MRGPRE: variants seen among roughly 807,000 people sequenced by gnomAD.
MRGPRE encodes the protein mas-related G protein-coupled receptor member E.
For synonymous variants in MRGPRE, 229 were observed against 206.7 expected (o/e 1.11, Z -0.92); for missense variants, 466 against 433.4 (o/e 1.08, Z -0.67).
chr11:3,228,326 GAGCAGCAGGTGC>G lies in MRGPRE; in HGVS notation c.462_473del (p.His155_Leu158del). ...CGAAGAACTGGGTGCAGGCGCCGCT[GAGCAGCAGGTGC>G]AGCAGCAGGCAGAGGGCCCAGGTGA... On this transcript the variant is annotated inframe_deletion, in exon 2 of 2. Transcript: ENST00000389832. 1 of 1,561,970 alleles carries G rather than the reference GAGCAGCAGGTGC, an allele frequency of 6.4e-7. No homozygotes were observed. The highest frequency in any genetic ancestry group is 8.6e-7 in the Non-Finnish European group (1 of 1,157,168).
In MRGPRE at chr11:3,230,262, G is replaced by C. The variant is rs1448393351; in HGVS notation, c.-61-1402C>G. ...TGGCTGGGGTCAGGGGCCGACACCAGGTGCCCCTCCCACCTTGGTGGTGGC... is the reference window on the plus strand; with the variant it reads ...TGGCTGGGGTCAGGGGCCGACACCACGTGCCCCTCCCACCTTGGTGGTGGC... On this transcript the variant is annotated intron_variant, in intron 1 of 1. Transcript: ENST00000389832. This position sits in a 1 kb window ranked among gnomAD's most constrained non-coding sequence, Gnocchi z 5.5. 3.3e-5 allele frequency among the ~76,000 whole-genome samples: 5 copies of C among 152,006 alleles called. No homozygotes were observed. The highest frequency in any genetic ancestry group is 7.4e-5 in the Non-Finnish European group (5 of 67,956).
chr11:3,226,782 G>T lies in MRGPRE; in HGVS notation c.*1079C>A, dbSNP rs1014706835. Among the ~76,000 whole-genome samples, 7 of 152,214 alleles carry T rather than the reference G, an allele frequency of 4.6e-5. No individual in the cohort carries two copies. The highest frequency in any genetic ancestry group is 7.3e-5 in the Non-Finnish European group (5 of 68,038). On this transcript the variant is annotated 3_prime_UTR_variant, in exon 2 of 2. Coordinates refer to ENST00000389832, the MANE Select transcript of MRGPRE (RefSeq NM_001039165.4). ...TAGAATCGACAGACATTTCTCTTGG[G>T]CTCACGAGAGGCTGGACAGGCCTCA...
At chr11:3,228,996 C>T (rs1847799262) in intron 1 of MRGPRE, 136 bp from the exon 2 acceptor site, 2 of 553,582 alleles carry the variant, frequency 3.6e-6, no homozygotes, top group Non-Finnish European at 6.4e-6. Context: ...TCTCTCATTT[C>T]CACCCTCAGC....
chr11:3,225,316 T>C lies in MRGPRE; in HGVS notation c.*2545A>G, dbSNP rs111973322. Reference sequence around the variant, plus strand: ...TGCCCCCAGGAGTAGCCGCCTGTTCTTGGGAATTCTGTGCTGACCGCGGCA... The same window carrying C: ...TGCCCCCAGGAGTAGCCGCCTGTTCCTGGGAATTCTGTGCTGACCGCGGCA... On this transcript the variant is annotated 3_prime_UTR_variant, in exon 2 of 2. Coordinates refer to ENST00000389832, the MANE Select transcript of MRGPRE (RefSeq NM_001039165.4). Among the ~76,000 whole-genome samples the C allele has an allele frequency of 3.9e-5, 6 of 152,342 alleles. 1 individual carries two copies. The highest frequency in any genetic ancestry group is 1.4e-4 in the African/African-American group (6 of 41,590).
rs533727821 is a variant in MRGPRE, at chr11:3,227,326, C to T, written c.*535G>A. 6.6e-6 allele frequency among the ~76,000 whole-genome samples: 1 copy of T among 152,100 alleles called. No individual in the cohort carries two copies. Among genetic ancestry groups the T allele is most frequent in the Non-Finnish European group, 1.5e-5 (1 of 68,032 alleles). ...TGATGATCAAGGACGGGGAGGGGGT[C>T]AAGTTTTGGGCAGTCTTCCATTTTA... On this transcript the variant is annotated 3_prime_UTR_variant, in exon 2 of 2. Coordinates refer to ENST00000389832, the MANE Select transcript of MRGPRE (RefSeq NM_001039165.4).
chr11:3,227,795 C>T lies in MRGPRE; in HGVS notation c.*66G>A. 2.3e-6 allele frequency: 3 copies of T among 1,332,282 alleles called. No individual in the cohort carries two copies. Among genetic ancestry groups the T allele is most frequent in the Middle Eastern group, 2.7e-4 (1 of 3,746 alleles). The allele number at this position is 1,332,282 out of a possible 1,614,324, so 82.5% of individuals were successfully genotyped here. A position where few individuals can be genotyped will look rare whatever the true frequency, so the allele number is the denominator to read the frequency against. On this transcript the variant is annotated 3_prime_UTR_variant, in exon 2 of 2. Transcript: ENST00000389832. ...TCCGGCTGGCCCCAGCCTCTGACCC[C>T]ACCACCTTCCCCAAGTCACCCTCTT...
In MRGPRE at chr11:3,230,385, C is replaced by T. The variant is rs995361495; in HGVS notation, c.-61-1525G>A. Among the ~76,000 whole-genome samples the T allele has an allele frequency of 1.3e-5, 2 of 152,110 alleles. No homozygotes were observed. The highest frequency in any genetic ancestry group is 4.8e-5 in the African/African-American group (2 of 41,434). ...GCTGGTCTTAGCGGCTTCTTCCCACCTCAAGGTTGTGCTCAGAACCCCTGC... is the reference window on the plus strand; with the variant it reads ...GCTGGTCTTAGCGGCTTCTTCCCACTTCAAGGTTGTGCTCAGAACCCCTGC... On this transcript the variant is annotated intron_variant, in intron 1 of 1. Coordinates refer to ENST00000389832, the MANE Select transcript of MRGPRE (RefSeq NM_001039165.4). The surrounding 1 kb of genome is among the most constrained non-coding windows in gnomAD (Gnocchi z 5.5).
At position 3,231,796 on chromosome 11, in the gene MRGPRE, G is replaced by A. The variant is rs554900746; in HGVS notation, c.-62+345C>T. On this transcript the variant is annotated intron_variant, in intron 1 of 1. Coordinates refer to ENST00000389832, the MANE Select transcript of MRGPRE (RefSeq NM_001039165.4). The surrounding 1 kb of genome is among the most constrained non-coding windows in gnomAD (Gnocchi z 4.7). ...GGCAGGGAGGAGAGGGCCTATCCCC[G>A]GCTGCCCCCATGACTCCCCTTGAGA... Among the ~76,000 whole-genome samples, 5 of 151,724 alleles carry A rather than the reference G, an allele frequency of 3.3e-5. No individual in the cohort carries two copies. The South Asian group carries it at 6.2e-4, about 19-fold the overall frequency.
At chr11:3,228,905 C>T in intron 1 of MRGPRE, 45 bp from the exon 2 acceptor site, 1 of 867,914 alleles carries the variant, frequency 1.2e-6, no homozygotes, top group East Asian at 2.7e-5. Flanking sequence ...AATCCATGCC[C>T]CCTGCTCCTC....
rs1459031424 is a variant in MRGPRE at position 3,231,348 on chromosome 11, G to A, written c.-62+793C>T. 6.6e-6 allele frequency among the ~76,000 whole-genome samples: 1 copy of A among 151,924 alleles called. No individual in the cohort carries two copies. Among genetic ancestry groups the A allele is most frequent in the Non-Finnish European group, 1.5e-5 (1 of 67,974 alleles). On this transcript the variant is annotated intron_variant, in intron 1 of 1. Coordinates refer to ENST00000389832, the MANE Select transcript of MRGPRE (RefSeq NM_001039165.4). The surrounding 1 kb of genome is among the most constrained non-coding windows in gnomAD (Gnocchi z 4.7). ...AGGGAGGAGAACAGGGGGACAAGGG[G>A]TTAGAGCCACGGAGCTCAGCCAGAC...
rs920683395 is a variant in MRGPRE at position 3,230,703 on chromosome 11, G to A, written c.-62+1438C>T. On this transcript the variant is annotated intron_variant, in intron 1 of 1. Coordinates refer to ENST00000389832, the MANE Select transcript of MRGPRE (RefSeq NM_001039165.4). This position sits in a 1 kb window ranked among gnomAD's most constrained non-coding sequence, Gnocchi z 5.5. ...CACCTCAGGAAGCTGAGTCCTGCCC[G>A]TGGTCCAGTCTGAATCTCCTGCGGG... is the stretch of plus-strand genomic sequence containing the variant. Among the ~76,000 whole-genome samples the A allele has an allele frequency of 2.0e-5, 3 of 152,140 alleles. No homozygotes were observed. The highest frequency in any genetic ancestry group is 1.9e-4 in the East Asian group (1 of 5,166).
Position 3,231,173 on chromosome 11 carries a change from C to T in MRGPRE, c.-62+968G>A. On this transcript the variant is annotated intron_variant, in intron 1 of 1. Coordinates refer to ENST00000389832, the MANE Select transcript of MRGPRE (RefSeq NM_001039165.4). The surrounding 1 kb of genome is among the most constrained non-coding windows in gnomAD (Gnocchi z 4.7). The stretch of plus-strand genomic sequence containing the variant: ...CCCACCAAGGGCCATGGTCCCTCTC[C>T]TATCTCACCTCCTGCATGGCTGAGG... 6.6e-6 allele frequency among the ~76,000 whole-genome samples: 1 copy of T among 152,236 alleles called. No homozygotes were observed. The highest frequency in any genetic ancestry group is 2.1e-4 in the South Asian group (1 of 4,820).
rs183202926 is a variant in MRGPRE, at chr11:3,231,479, G to A, written c.-62+662C>T. Among the ~76,000 whole-genome samples the A allele has an allele frequency of 5.9e-5, 9 of 152,066 alleles. No homozygotes were observed. The highest frequency in any genetic ancestry group is 1.9e-4 in the East Asian group (1 of 5,158). On this transcript the variant is annotated intron_variant, in intron 1 of 1. Coordinates refer to ENST00000389832, the MANE Select transcript of MRGPRE (RefSeq NM_001039165.4). The surrounding 1 kb of genome is among the most constrained non-coding windows in gnomAD (Gnocchi z 4.7). ...GAGGCAGAGCTCTGTAGGAAGGGTC[G>A]CCACAGTTGGGTTACAGGACTGTGG...
In MRGPRE at chr11:3,225,475, G is replaced by A. The variant is rs1362520409; in HGVS notation, c.*2386C>T. ...GTCCTGCAGGGTGGGGTCTAGGGCA[G>A]CCAGGGGTCCCTGGTGGGGCCTTGT... On this transcript the variant is annotated 3_prime_UTR_variant, in exon 2 of 2. Coordinates refer to ENST00000389832, the MANE Select transcript of MRGPRE (RefSeq NM_001039165.4). Among the ~76,000 whole-genome samples the A allele has an allele frequency of 6.6e-6, 1 of 152,230 alleles. No homozygotes were observed. The highest frequency in any genetic ancestry group is 1.5e-5 in the Non-Finnish European group (1 of 68,036).
At position 3,230,195 on chromosome 11, in the gene MRGPRE, G is replaced by T. The variant is rs975521660; in HGVS notation, c.-61-1335C>A. On this transcript the variant is annotated intron_variant, in intron 1 of 1. Coordinates refer to ENST00000389832, the MANE Select transcript of MRGPRE (RefSeq NM_001039165.4). This position sits in a 1 kb window ranked among gnomAD's most constrained non-coding sequence, Gnocchi z 5.5. ...TGGTGACCCCAGCTTCTCCTCTTGG[G>T]GTTGGGGGAGAGGGGATGGGGCCTT... 6.6e-6 allele frequency among the ~76,000 whole-genome samples: 1 copy of T among 152,084 alleles called. No homozygotes were observed. The highest frequency in any genetic ancestry group is 2.4e-5 in the African/African-American group (1 of 41,404).
In MRGPRE at chr11:3,231,915, C is replaced by G. The variant is rs369787774; in HGVS notation, c.-62+226G>C. 2.3e-4 allele frequency among the ~76,000 whole-genome samples: 35 copies of G among 152,216 alleles called. No homozygotes were observed. In the East Asian group the frequency reaches 6.2e-3, roughly 27 times the overall value. On this transcript the variant is annotated intron_variant, in intron 1 of 1. Coordinates refer to ENST00000389832, the MANE Select transcript of MRGPRE (RefSeq NM_001039165.4). This position sits in a 1 kb window ranked among gnomAD's most constrained non-coding sequence, Gnocchi z 4.7. ...GGTGGGGGGTTGGGGAGCCATCACCCAAGCTATCGTCCTCTTCCAGACTCA... is the reference window on the plus strand; with the variant it reads ...GGTGGGGGGTTGGGGAGCCATCACCGAAGCTATCGTCCTCTTCCAGACTCA...
rs1045444010 is a variant in MRGPRE at position 3,225,365 on chromosome 11, G to T, written c.*2496C>A. Among the ~76,000 whole-genome samples the T allele has an allele frequency of 6.6e-6, 1 of 152,252 alleles. No individual in the cohort carries two copies. The highest frequency in any genetic ancestry group is 6.5e-5 in the Admixed American group (1 of 15,290). On this transcript the variant is annotated 3_prime_UTR_variant, in exon 2 of 2. Coordinates refer to ENST00000389832, the MANE Select transcript of MRGPRE (RefSeq NM_001039165.4). ...CAGCCCCGCAGGGGCCCGGGGTTGC[G>T]GGTGGATGGGGTGGGCTGGGCACTG...
rs1459563950 is a variant in MRGPRE at position 3,225,296 on chromosome 11, C to G, written c.*2565G>C. Among the ~76,000 whole-genome samples, 1 of 152,242 alleles carries G rather than the reference C, an allele frequency of 6.6e-6. No homozygotes were observed. The highest frequency in any genetic ancestry group is 2.1e-4 in the South Asian group (1 of 4,836). On this transcript the variant is annotated 3_prime_UTR_variant, in exon 2 of 2. Transcript: ENST00000389832. ...AGGCTCCCTGGAATGTTGGCTGCCC[C>G]CAGGAGTAGCCGCCTGTTCTTGGGA...
Position 3,228,100 on chromosome 11 carries a change from C to G in MRGPRE, c.700G>C (p.Gly234Arg). 11 of 1,600,698 alleles carry G rather than the reference C, an allele frequency of 6.9e-6. No homozygotes were observed. Among genetic ancestry groups the G allele is most frequent in the Non-Finnish European group, 9.4e-6 (11 of 1,174,120 alleles). The change falls in exon 2 of 2, where the codon GGC becomes CGC. Residue 234 changes from glycine (G) to arginine (R), a missense_variant. Coordinates refer to ENST00000389832, the MANE Select transcript of MRGPRE (RefSeq NM_001039165.4). Reference protein sequence around the residue: ...LLFLFCGLPFGIYWLSRNLLW... With the variant: ...LLFLFCGLPFRIYWLSRNLLW... ...AGGTTCCGGGACAGCCAGTAGATGC[C>G]GAAGGGCAGGCCGCAGAAGAGGAAG...
Sources: allele counts gnomAD v4.1 joint callset (sites outside exome capture counted in the v4.1 genomes callset), GRCh38; gene constraint gnomAD v4.1.1; non-coding constraint Gnocchi (gnomAD v3.1); transcripts MANE v1.5; gene names NCBI Gene and HGNC (gene_info 2026-07-23, HGNC 2026-07-21).